Variants in CDKAL1 observed in about 807,000 individuals in gnomAD.
CDKAL1 encodes the protein threonylcarbamoyladenosine tRNA methylthiotransferase.
In CDKAL1, 32 loss-of-function variants were observed where a neutral mutation model predicts 68.2. The ratio of observed to expected loss-of-function variants is 0.47; its 90% CI spans 0.35 to 0.63. The LOEUF is 0.63. Ranked by LOEUF, CDKAL1 falls within the 30% of genes least tolerant of loss-of-function variation. CDKAL1 has a pLI of 0.00. For missense variants in CDKAL1, 606 were observed against 696.7 expected (o/e 0.87, Z 1.47); for synonymous variants, 234 against 244.3 (o/e 0.96, Z 0.39).
At chr6:21,214,164 G>T (rs1779260896) in intron 15 of CDKAL1, among the ~76,000 whole-genome samples, 1 of 152,156 alleles carries the variant, frequency 6.6e-6, no homozygotes, top group Non-Finnish European at 1.5e-5. Context: ...CTTACCAGGA[G>T]CTGGGCGTGG....
At chr6:20,809,640 T>G (rs1435019179) in intron 8 of CDKAL1, among the ~76,000 whole-genome samples, 1 of 152,212 alleles carries the variant, frequency 6.6e-6, no homozygotes, top group East Asian at 1.9e-4. Context: ...TAGTGAATAC[T>G]CAGTAAATAT....
At chr6:21,133,631 A>C (rs1775437017) in intron 13 of CDKAL1, among the ~76,000 whole-genome samples, 1 of 152,232 alleles carries the variant, frequency 6.6e-6, no homozygotes, top group Non-Finnish European at 1.5e-5. Context: ...CATATCCTGA[A>C]CTAAGAAAGT....
chr6:20,866,452 C>A (rs1250114418), intron 9 of CDKAL1, among the ~76,000 whole-genome samples: 1 of 151,982 alleles, frequency 6.6e-6, no homozygotes, highest in East Asian at 1.9e-4. Context: ...AGAAAAAAAA[C>A]TGTTTCAGAC....
intron 5 of CDKAL1, among the ~76,000 whole-genome samples, 200 bp downstream of exon 5, chr6:20,649,577 C>A (rs2179552): frequency 0.22 from 33,846 of 151,842 alleles, 4,066 homozygotes; most frequent in African/African-American, 0.27. Context: ...ATTAAATTTA[C>A]TTTAAGTTCT....
intron 9 of CDKAL1, among the ~76,000 whole-genome samples, chr6:20,858,953 A>T (rs571404197): frequency 2.6e-5 from 4 of 152,278 alleles, no homozygotes; most frequent in African/African-American, 7.2e-5. Flanking sequence ...TATATTTTTC[A>T]TAAGTACATA....
chr6:21,019,093 C>A (rs1308306202), intron 11 of CDKAL1, among the ~76,000 whole-genome samples: 1 of 152,134 alleles, frequency 6.6e-6, no homozygotes, highest in Admixed American at 6.6e-5. Context: ...GGATTATAGG[C>A]ACCCGCCACC....
At chr6:20,888,850 T>C (rs1761230304) in intron 9 of CDKAL1, among the ~76,000 whole-genome samples, 1 of 152,196 alleles carries the variant, frequency 6.6e-6, no homozygotes, top group Non-Finnish European at 1.5e-5. Flanking sequence ...TGAGTCTTTA[T>C]AGCAGTATGA....
chr6:20,940,081 GTGTA>G (rs1470564829), intron 9 of CDKAL1, among the ~76,000 whole-genome samples: 1 of 152,148 alleles, frequency 6.6e-6, no homozygotes, highest in African/African-American at 2.4e-5. Context: ...TGTATAAAAT[GTGTA>G]TGTCCAAGAT....
At chr6:21,180,230 T>C (rs1041856584) in intron 13 of CDKAL1, among the ~76,000 whole-genome samples, 2 of 152,216 alleles carry the variant, frequency 1.3e-5, no homozygotes, top group Admixed American at 6.5e-5. Flanking sequence ...ATAGTCATCA[T>C]GGTGGTTAGT....
chr6:20,638,744 A>AAC (rs1768022264), intron 4 of CDKAL1, among the ~76,000 whole-genome samples: 1 of 100,062 alleles, frequency 1.0e-5, no homozygotes, highest in Non-Finnish European at 2.1e-5. Flanking sequence ...TGGGATTACA[A>AAC]ACGCGCGCCA....
chr6:20,993,126 A>G (rs1007698266), intron 10 of CDKAL1, among the ~76,000 whole-genome samples: 1 of 152,090 alleles, frequency 6.6e-6, no homozygotes, highest in African/African-American at 2.4e-5. Flanking sequence ...AGTGGCTGCT[A>G]ATGGGTACAG....
At chr6:20,965,669 A>G (rs1405052558) in intron 10 of CDKAL1, among the ~76,000 whole-genome samples, 1 of 152,190 alleles carries the variant, frequency 6.6e-6, no homozygotes, top group Non-Finnish European at 1.5e-5. Flanking sequence ...TTAGATATGT[A>G]TATGGTTTAA....
intron 12 of CDKAL1, among the ~76,000 whole-genome samples, chr6:21,077,539 G>C (rs990869808): frequency 2.0e-5 from 3 of 152,224 alleles, no homozygotes; most frequent in African/African-American, 7.2e-5. Flanking sequence ...TGCTTTTGGG[G>C]TGGCTTCAGG....
At chr6:20,584,238 C>CT (rs1765253159) in intron 4 of CDKAL1, among the ~76,000 whole-genome samples, 1 of 151,994 alleles carries the variant, frequency 6.6e-6, no homozygotes, top group Non-Finnish European at 1.5e-5. Flanking sequence ...GTCTGTAAGT[C>CT]TGGGGGCCTA....
chr6:21,223,657 G>T (rs1055879887), intron 15 of CDKAL1, among the ~76,000 whole-genome samples: 1 of 152,182 alleles, frequency 6.6e-6, no homozygotes, highest in Non-Finnish European at 1.5e-5. Flanking sequence ...ACTAGGTGAA[G>T]AAATGACTAA....
chr6:20,784,499 C>T (rs569870772), intron 8 of CDKAL1, among the ~76,000 whole-genome samples: 10 of 126,382 alleles, frequency 7.9e-5, no homozygotes, highest in East Asian at 5.6e-4. Flanking sequence ...TCTCGGCTCA[C>T]TGCAACCTCC....
intron 12 of CDKAL1, among the ~76,000 whole-genome samples, chr6:21,102,102 C>T (rs564581609): frequency 6.6e-6 from 1 of 152,232 alleles, no homozygotes; most frequent in African/African-American, 2.4e-5. Flanking sequence ...ATTATGTGTT[C>T]TAATCATTTA....
rs1393684808 is a variant in CDKAL1 at position 20,955,560 on chromosome 6, C to T, written c.884C>T (p.Pro295Leu). 3 of 1,614,014 alleles carry T rather than the reference C, an allele frequency of 1.9e-6. No individual in the cohort carries two copies. Among genetic ancestry groups the T allele is most frequent in the East Asian group, 2.2e-5 (1 of 44,882 alleles). The change falls in exon 10 of 16, where the codon CCG (proline) becomes CTG (leucine). Residue 295 changes from proline to leucine, a missense_variant. By Grantham distance (98) the Pro-to-Leu change is moderately conservative (BLOSUM62 -3). Transcript: ENST00000274695. ...ATGCTGAGGCTTGGCATGACAAATCCGCCCTATATTTTAGAGCATCTGGAG... is the reference window on the plus strand; with the variant it reads ...ATGCTGAGGCTTGGCATGACAAATCTGCCCTATATTTTAGAGCATCTGGAG... Reference protein sequence around the residue: ...GAMLRLGMTNPPYILEHLEEM... With the variant: ...GAMLRLGMTNLPYILEHLEEM...
intron 4 of CDKAL1, among the ~76,000 whole-genome samples, chr6:20,568,739 A>AT (rs948856234): frequency 2.4e-5 from 2 of 83,870 alleles, no homozygotes; most frequent in African/African-American, 1.1e-4. Flanking sequence ...CGCCTCAAAA[A>AT]AAAAAAAAAA....
Sources: allele counts gnomAD v4.1 joint callset (sites outside exome capture counted in the v4.1 genomes callset), GRCh38; gene constraint gnomAD v4.1.1; transcripts MANE v1.5; gene names NCBI Gene and HGNC (gene_info 2026-07-23, HGNC 2026-07-21).